The following ADGRL3 variants were observed in gnomAD, a reference collection of about 807,000 sequenced individuals.
The protein encoded by ADGRL3 is adhesion G protein-coupled receptor L3.
In ADGRL3, 62 loss-of-function variants were observed where a neutral mutation model predicts 153.5. The observed-to-expected ratio is 0.40, with a 90% CI of 0.33 to 0.50. The LOEUF is 0.50. ADGRL3 is among the 20% of genes least tolerant of loss of function. The pLI, the probability that ADGRL3 is intolerant of heterozygous loss-of-function variation, is 0.47. For synonymous variants in ADGRL3, 710 were observed against 672.5 expected, an observed-to-expected ratio of 1.06 and a Z score of -0.86; for missense variants, 1,641 against 1,859.4, an observed-to-expected ratio of 0.88 and a Z score of 2.16.
At chr4:61,370,268 C>G (rs1250219216) in intron 1 of ADGRL3, among the ~76,000 whole-genome samples, 1 of 131,964 alleles carries the variant, frequency 7.6e-6, no homozygotes. Flanking sequence ...TTGCCTTCTG[C>G]TAGCTTTTGA....
At chr4:61,414,276 A>G (rs939385083) in intron 2 of ADGRL3, among the ~76,000 whole-genome samples, 1 of 152,228 alleles carries the variant, frequency 6.6e-6, no homozygotes, top group African/African-American at 2.4e-5. Context: ...TAATTAAAAT[A>G]TGTAAAGTTT....
At chr4:61,734,659 G>C (rs1274777496) in intron 8 of ADGRL3, among the ~76,000 whole-genome samples, 2 of 152,126 alleles carry the variant, frequency 1.3e-5, no homozygotes, top group Non-Finnish European at 2.9e-5. Flanking sequence ...TACAATTCAA[G>C]ATGAGATTTG....
intron 4 of ADGRL3, among the ~76,000 whole-genome samples, chr4:61,538,734 G>A (rs780042617): frequency 1.3e-5 from 2 of 152,096 alleles, no homozygotes; most frequent in Non-Finnish European, 2.9e-5. Context: ...GAGCCACCAT[G>A]CCTGGCCTGA....
At chr4:61,831,130 C>T (rs1012651011) in intron 9 of ADGRL3, among the ~76,000 whole-genome samples, 1 of 151,940 alleles carries the variant, frequency 6.6e-6, no homozygotes, top group Admixed American at 6.6e-5. Context: ...CTCAAGGGAT[C>T]CACCCACCTC....
chr4:61,581,637 ACTTCT>A lies in ADGRL3; in HGVS notation c.260-5589_260-5585del, dbSNP rs539180805. Among the ~76,000 whole-genome samples the A allele has an allele frequency of 8.4e-4, 128 of 152,040 alleles. 1 individual carries two copies. Among genetic ancestry groups the A allele is most frequent in the African/African-American group, 3.0e-3 (125 of 41,516 alleles). On this transcript the variant is annotated intron_variant, in intron 4 of 26. Coordinates refer to ENST00000683033, the MANE Select transcript of ADGRL3 (RefSeq NM_001387552.1). ...CTCCCTCCCTAGGTTATCGTTATCTACTTCTGTGATTTTTAAGCACTACCTTTTAA... is the reference window on the plus strand; with the variant it reads ...CTCCCTCCCTAGGTTATCGTTATCTAGTGATTTTTAAGCACTACCTTTTAA...
At chr4:61,537,249 C>T (rs1042056703) in intron 4 of ADGRL3, among the ~76,000 whole-genome samples, 5 of 151,484 alleles carry the variant, frequency 3.3e-5, no homozygotes, top group Non-Finnish European at 5.9e-5. Flanking sequence ...GCTGAGAAGT[C>T]AACTGTTAGT....
intron 5 of ADGRL3, among the ~76,000 whole-genome samples, chr4:61,666,634 C>A (rs1451746789): frequency 6.6e-6 from 1 of 151,262 alleles, no homozygotes; most frequent in Admixed American, 6.6e-5. Flanking sequence ...CAGTGAAATG[C>A]ACATTGTTTT....
At chr4:62,039,110 G>T (rs561648744) in intron 24 of ADGRL3, among the ~76,000 whole-genome samples, 1 of 152,026 alleles carries the variant, frequency 6.6e-6, no homozygotes, top group East Asian at 1.9e-4. Flanking sequence ...AAGAGTGATT[G>T]CTTCATTTTT....
Position 62,076,585 on chromosome 4 carries a change from C to T in ADGRL3, c.*5677C>T, listed in dbSNP as rs892716117. On this transcript the variant is annotated 3_prime_UTR_variant, in exon 27 of 27. Transcript: ENST00000683033. ...TTTGTAGTGATAAAAATCTTATACA[C>T]TACACCAAATGTTACAGATGTATTC... 6.6e-6 allele frequency: 1 copy of T among 152,010 alleles called. No homozygotes were observed. Among genetic ancestry groups the T allele is most frequent in the Non-Finnish European group, 1.5e-5 (1 of 67,932 alleles). The allele number at this position is 152,010 out of a possible 1,614,324, so 9.4% of individuals were successfully genotyped here.
intron 4 of ADGRL3, among the ~76,000 whole-genome samples, chr4:61,530,190 C>T (rs897651480): frequency 1.4e-4 from 21 of 152,034 alleles, no homozygotes; most frequent in African/African-American, 4.8e-4. Context: ...TGCATAAGTG[C>T]ATGAATTGTC....
At chr4:61,896,725 C>T (rs1003346082) in intron 11 of ADGRL3, among the ~76,000 whole-genome samples, 1 of 152,060 alleles carries the variant, frequency 6.6e-6, no homozygotes, top group East Asian at 1.9e-4. Context: ...CTCTAGTTAC[C>T]CTCTTACATA....
intron 1 of ADGRL3, among the ~76,000 whole-genome samples, chr4:61,371,455 G>A (rs1246325971): frequency 6.6e-6 from 1 of 151,924 alleles, no homozygotes; most frequent in Admixed American, 6.6e-5. Flanking sequence ...GCAGTTGCTT[G>A]TCTGTAAAGT....
intron 8 of ADGRL3, among the ~76,000 whole-genome samples, chr4:61,803,289 CTA>C (rs769135340): frequency 6.6e-6 from 1 of 152,100 alleles, no homozygotes; most frequent in Non-Finnish European, 1.5e-5. Context: ...AAATTCTAAA[CTA>C]TGAATTTTTA....
At chr4:61,536,208 A>G (rs1252334389) in intron 4 of ADGRL3, among the ~76,000 whole-genome samples, 1 of 151,972 alleles carries the variant, frequency 6.6e-6, no homozygotes, top group Admixed American at 6.6e-5. Flanking sequence ...TCCCTGTGGA[A>G]CTGGTTTCTA....
chr4:62,007,455 T>TAC (rs1199042783), intron 21 of ADGRL3, among the ~76,000 whole-genome samples: 3 of 131,650 alleles, frequency 2.3e-5, no homozygotes, highest in Non-Finnish European at 1.6e-5. Context: ...CACATATATA[T>TAC]ACATATATGT....
chr4:61,422,066 A>T (rs1040438888), intron 2 of ADGRL3, among the ~76,000 whole-genome samples: 1 of 152,168 alleles, frequency 6.6e-6, no homozygotes, highest in Admixed American at 6.5e-5. Context: ...TATATAAAGG[A>T]TATACTTAAA....
intron 26 of ADGRL3, among the ~76,000 whole-genome samples, chr4:62,069,433 T>C (rs1304058880): frequency 6.6e-6 from 1 of 152,114 alleles, no homozygotes; most frequent in African/African-American, 2.4e-5. Context: ...CCAAATACTT[T>C]TGTTTCGAAA....
intron 2 of ADGRL3, among the ~76,000 whole-genome samples, chr4:61,424,262 G>A (rs530618777): frequency 9.2e-5 from 14 of 152,168 alleles, no homozygotes; most frequent in East Asian, 3.9e-4. Flanking sequence ...GTGCACCTGC[G>A]CTCTAATCCT....
At chr4:61,989,491 T>TA (rs1433291003) in intron 19 of ADGRL3, among the ~76,000 whole-genome samples, 2 of 152,060 alleles carry the variant, frequency 1.3e-5, no homozygotes, top group Non-Finnish European at 2.9e-5. Context: ...AGGGAGTACA[T>TA]GTGTATGTTT....
Sources: allele counts gnomAD v4.1 joint callset (sites outside exome capture counted in the v4.1 genomes callset), GRCh38; gene constraint gnomAD v4.1.1; transcripts MANE v1.5; gene names NCBI Gene and HGNC (gene_info 2026-07-23, HGNC 2026-07-21).